SLIT2: variants seen among roughly 807,000 people sequenced by gnomAD.
SLIT2 encodes the protein slit guidance ligand 2.
In SLIT2, 41 loss-of-function variants were observed where a neutral mutation model predicts 185.7. The observed-to-expected ratio is 0.22, with a 90% CI of 0.17 to 0.29. The LOEUF (loss-of-function observed/expected upper bound fraction) is 0.29. Among genes scored for constraint, SLIT2 ranks in the 10% least tolerant of loss-of-function variants. SLIT2 has a pLI of 1.00. For synonymous variants in SLIT2, 693 were observed against 680.2 expected (o/e 1.02, Z -0.29); for missense variants, 1,571 against 1,909.0 (o/e 0.82, Z 3.30).
intron 5 of SLIT2, among the ~76,000 whole-genome samples, chr4:20,471,799 T>C (rs1446453382): frequency 6.6e-6 from 1 of 152,146 alleles, no homozygotes; most frequent in African/African-American, 2.4e-5. Context: ...TTCCCCTTCC[T>C]CCAGGCAAGC....
At chr4:20,270,319 C>T (rs1053857013) in intron 4 of SLIT2, among the ~76,000 whole-genome samples, 1 of 151,794 alleles carries the variant, frequency 6.6e-6, no homozygotes, top group African/African-American at 2.4e-5. Context: ...ATTAATTTCC[C>T]CCAGTTTAAG....
At chr4:20,358,990 G>A (rs6842624) in intron 4 of SLIT2, among the ~76,000 whole-genome samples, 32,694 of 151,924 alleles carry the variant, frequency 0.22, 3,781 homozygotes, top group Non-Finnish European at 0.27. Flanking sequence ...ATATATAATG[G>A]TATTTCAGTA....
chr4:20,481,223 A>G (rs1359448695), intron 6 of SLIT2, among the ~76,000 whole-genome samples: 1 of 152,152 alleles, frequency 6.6e-6, no homozygotes, highest in Admixed American at 6.6e-5. Flanking sequence ...TTTTGTAAGA[A>G]TACTTTGAAA....
At chr4:20,597,624 T>G (rs113188796) in intron 32 of SLIT2, among the ~76,000 whole-genome samples, 1 of 152,186 alleles carries the variant, frequency 6.6e-6, no homozygotes, top group Non-Finnish European at 1.5e-5. Context: ...CAGTTTCATG[T>G]AGACACCACC....
Position 20,253,602 on chromosome 4 carries a change from C to T in SLIT2, c.-214C>T. The stretch of plus-strand genomic sequence containing the variant: ...AGGACCTAAAGTTGCCCAAGGAGCT[C>T]CTGCTCTGCCAGAGGAGGGTGGAGA... On this transcript the variant is annotated 5_prime_UTR_variant, in exon 1 of 37. Coordinates refer to ENST00000504154, the MANE Select transcript of SLIT2 (RefSeq NM_004787.4). 3.3e-6 allele frequency: 2 copies of T among 604,056 alleles called. No homozygotes were observed. Among genetic ancestry groups the T allele is most frequent in the South Asian group, 2.0e-5 (1 of 49,604 alleles). The allele number at this position is 604,056 out of a possible 1,614,324, so 37.4% of individuals were successfully genotyped here. A position where few individuals can be genotyped will look rare whatever the true frequency, so the allele number is the denominator to read the frequency against.
intron 21 of SLIT2, among the ~76,000 whole-genome samples, 174 bp from the exon 22 acceptor site, chr4:20,545,857 C>CT (rs754593233): frequency 1.8e-3 from 268 of 146,292 alleles, no homozygotes; most frequent in East Asian, 0.014. Flanking sequence ...GACAACTCTG[C>CT]TTTTTTTTTT....
intron 4 of SLIT2, among the ~76,000 whole-genome samples, chr4:20,281,825 G>C (rs1714803344): frequency 6.6e-6 from 1 of 152,176 alleles, no homozygotes; most frequent in African/African-American, 2.4e-5. Context: ...AAAAAGCAAA[G>C]TTGTATGAAT....
At chr4:20,441,771 A>T (rs1176149422) in intron 4 of SLIT2, among the ~76,000 whole-genome samples, 1 of 152,136 alleles carries the variant, frequency 6.6e-6, no homozygotes, top group Non-Finnish European at 1.5e-5. Context: ...ATTCCCTTGT[A>T]GATTATCAAA....
At chr4:20,341,644 C>A (rs184934698) in intron 4 of SLIT2, among the ~76,000 whole-genome samples, 28 of 152,262 alleles carry the variant, frequency 1.8e-4, no homozygotes, top group Admixed American at 1.0e-3. Flanking sequence ...CAGGTCTCTG[C>A]TTTGTGGTAA....
At chr4:20,428,737 A>G (rs1728745557) in intron 4 of SLIT2, among the ~76,000 whole-genome samples, 1 of 152,266 alleles carries the variant, frequency 6.6e-6, no homozygotes, top group African/African-American at 2.4e-5. Context: ...AGTATTCTGC[A>G]TCGTTTTTTC....
At chr4:20,552,012 C>T (rs1189876780) in intron 25 of SLIT2, among the ~76,000 whole-genome samples, 1 of 152,098 alleles carries the variant, frequency 6.6e-6, no homozygotes, top group African/African-American at 2.4e-5. Context: ...ATATTCCTTC[C>T]ACTAAACTAC....
At chr4:20,382,619 A>G (rs1009967909) in intron 4 of SLIT2, among the ~76,000 whole-genome samples, 1 of 152,186 alleles carries the variant, frequency 6.6e-6, no homozygotes, top group African/African-American at 2.4e-5. Flanking sequence ...ATTCAGTCTG[A>G]ACACTGAAAA....
chr4:20,278,166 T>C (rs1161243639), intron 4 of SLIT2, among the ~76,000 whole-genome samples: 1 of 152,196 alleles, frequency 6.6e-6, no homozygotes, highest in Non-Finnish European at 1.5e-5. Context: ...CATGTCATTA[T>C]GATGTAGTCT....
At chr4:20,354,192 T>G (rs2109271913) in intron 4 of SLIT2, among the ~76,000 whole-genome samples, 1 of 152,170 alleles carries the variant, frequency 6.6e-6, no homozygotes, top group South Asian at 2.1e-4. Flanking sequence ...AATGCTAAAT[T>G]AAGACGGAAA....
intron 4 of SLIT2, among the ~76,000 whole-genome samples, chr4:20,347,411 G>A (rs1374043147): frequency 5.3e-5 from 8 of 152,184 alleles, no homozygotes; most frequent in Admixed American, 3.3e-4. Flanking sequence ...GGGGTACAGT[G>A]CAGTTTGATT....
intron 34 of SLIT2, among the ~76,000 whole-genome samples, chr4:20,610,655 A>G (rs987621585): frequency 6.6e-6 from 1 of 152,232 alleles, no homozygotes; most frequent in Admixed American, 6.5e-5. Context: ...CCAGTTGCTA[A>G]TTCATCTGGA....
At chr4:20,470,906 G>T (rs369888269) in intron 5 of SLIT2, among the ~76,000 whole-genome samples, 29 of 152,172 alleles carry the variant, frequency 1.9e-4, no homozygotes, top group African/African-American at 6.5e-4. Context: ...TTGAATAGCC[G>T]CAGTGGTAAG....
chr4:20,310,311 C>T (rs973351111), intron 4 of SLIT2, among the ~76,000 whole-genome samples: 3 of 152,256 alleles, frequency 2.0e-5, no homozygotes, highest in African/African-American at 7.2e-5. Context: ...CTGGATGAAA[C>T]ATTAGCAACT....
At chr4:20,280,619 A>C (rs1392918872) in intron 4 of SLIT2, among the ~76,000 whole-genome samples, 1 of 152,072 alleles carries the variant, frequency 6.6e-6, no homozygotes, top group Non-Finnish European at 1.5e-5. Flanking sequence ...AAATACATCT[A>C]AGATGTGTTC....
Sources: gnomAD v4.1 joint callset for allele counts (sites outside exome capture counted in the v4.1 genomes callset) on GRCh38, gnomAD v4.1.1 for gene constraint, MANE v1.5 for transcripts, NCBI Gene and HGNC (gene_info 2026-07-23, HGNC 2026-07-21) for gene names.